The following MINDY4B variants were observed in gnomAD, a reference collection of about 807,000 sequenced individuals.
MINDY4B encodes the protein MINDY family member 4B.
A neutral mutation model predicts 16.7 loss-of-function variants in MINDY4B; 25 were observed. The ratio of observed to expected loss-of-function variants is 1.49; its 90% CI spans 1.09 to 2.09. The LOEUF (loss-of-function observed/expected upper bound fraction) is 2.09, where lower values mean the gene tolerates loss of function less well. Among genes scored for constraint, MINDY4B ranks in the 30% most tolerant of loss-of-function variants. The pLI, the probability that MINDY4B is intolerant of heterozygous loss-of-function variation, is 0.00. For missense variants in MINDY4B, 327 were observed against 168.4 expected (o/e 1.94, Z -5.21); for synonymous variants, 132 against 61.9 (o/e 2.13, Z -5.32).
At chr3:150,880,888 G>C (rs71306530) in intron 10 of MINDY4B, among the ~76,000 whole-genome samples, 2,611 of 152,234 alleles carry the variant, frequency 0.017, 35 homozygotes, top group African/African-American at 0.029. Flanking sequence ...TGAAAGAAAA[G>C]AAAAATATGT....
At chr3:150,902,700 G>A (rs188808421) in intron 3 of MINDY4B, among the ~76,000 whole-genome samples, 22 of 152,306 alleles carry the variant, frequency 1.4e-4, no homozygotes, top group East Asian at 3.9e-4. Flanking sequence ...AATGGTCCCC[G>A]GGACCAATAG....
chr3:150,905,257 T>C (rs1176175274), intron 1 of MINDY4B, 70 bp downstream of exon 1: 2 of 398,328 alleles, frequency 5.0e-6, no homozygotes, highest in Admixed American at 8.8e-5. Context: ...GTTGCAAGCT[T>C]ATAAGTTGAT....
In MINDY4B at chr3:150,870,447, C is replaced by T. The variant is rs1026450536; in HGVS notation, c.*598G>A. 2.0e-5 allele frequency among the ~76,000 whole-genome samples: 3 copies of T among 152,186 alleles called. No homozygotes were observed. The highest frequency in any genetic ancestry group is 6.5e-5 in the Admixed American group (1 of 15,282). On this transcript the variant is annotated 3_prime_UTR_variant, in exon 12 of 12. Transcript: ENST00000465419. ...TAATAAAAAGAATGTCTCCTTGTGG[C>T]TACTGAAACCCACATGTCAACTGCT...
chr3:150,874,226 G>A (rs999621386), intron 10 of MINDY4B, among the ~76,000 whole-genome samples: 2 of 152,022 alleles, frequency 1.3e-5, no homozygotes, highest in African/African-American at 2.4e-5. Flanking sequence ...ATGTGGCCCA[G>A]GCTGGTCTCA....
Position 150,874,449 on chromosome 3 carries a change from G to A in MINDY4B, c.1060-1082C>T, listed in dbSNP as rs185183315. 3.9e-3 allele frequency among the ~76,000 whole-genome samples: 589 copies of A among 152,294 alleles called. 8 individuals are homozygous for A. The highest frequency in any genetic ancestry group is 0.014 in the African/African-American group (577 of 41,548). On this transcript the variant is annotated intron_variant, in intron 10 of 11. Transcript: ENST00000465419. ...TGATAGCCATCAGTTTGTTTACACA[G>A]GCAGGGAAGCACATATTTTTAAAGG... is the stretch of plus-strand genomic sequence containing the variant.
Position 150,871,141 on chromosome 3 carries a change from A to G in MINDY4B, c.1287T>C (p.His429=). The G allele has an allele frequency of 1.4e-6, 1 of 702,788 alleles. No homozygotes were observed. Among genetic ancestry groups the G allele is most frequent in the Non-Finnish European group, 2.6e-6 (1 of 384,838 alleles). 43.5% of individuals were successfully genotyped at this position (702,788 alleles called of 1,614,324 possible). ...HWERDQQEEK[H]GPRRRFSPVE... ...CTGGTGAAAACCGTCGTCTTGGTCC[A>G]TGTTTCTCTTCCTGTTGGTCTCTTT... Residue 429 remains histidine (H), a synonymous_variant, in exon 12 of 12, where the codon CAT becomes CAC. Coordinates refer to ENST00000465419, the MANE Select transcript of MINDY4B (RefSeq NM_001351281.2).
intron 1 of MINDY4B, 104 bp from the exon 2 acceptor site, chr3:150,905,193 G>A (rs9289825): frequency 0.082 from 32,559 of 398,202 alleles, 2,014 homozygotes; most frequent in East Asian, 0.24. Flanking sequence ...CTCTGTCCAC[G>A]AATAGTTATG....
chr3:150,893,226 T>C, intron 5 of MINDY4B, 98 bp downstream of exon 5: 1 of 680,056 alleles, frequency 1.5e-6, no homozygotes, highest in East Asian at 2.7e-5. Flanking sequence ...GAGGTAGATT[T>C]CCTTTCTGAG....
At chr3:150,879,985 T>C (rs988846068) in intron 10 of MINDY4B, among the ~76,000 whole-genome samples, 3 of 152,378 alleles carry the variant, frequency 2.0e-5, no homozygotes, top group East Asian at 3.9e-4. Flanking sequence ...TAAAGCACTA[T>C]AACATTATGC....
At chr3:150,871,550 G>A (rs1428865978) in intron 11 of MINDY4B, among the ~76,000 whole-genome samples, 1 of 149,752 alleles carries the variant, frequency 6.7e-6, no homozygotes. Flanking sequence ...AATATTGTCA[G>A]GAAAAAAAAA....
intron 3 of MINDY4B, among the ~76,000 whole-genome samples, chr3:150,896,439 AG>A (rs903634053): frequency 3.3e-5 from 5 of 152,134 alleles, no homozygotes; most frequent in African/African-American, 4.8e-5. Context: ...TGGTGGGGGA[AG>A]GGGGGCATTA....
At chr3:150,877,297 A>C (rs1711498144) in intron 10 of MINDY4B, among the ~76,000 whole-genome samples, 1 of 152,120 alleles carries the variant, frequency 6.6e-6, no homozygotes, top group Non-Finnish European at 1.5e-5. Flanking sequence ...TAACCTTCAG[A>C]TTTGTTGCAC....
In MINDY4B at chr3:150,903,238, G is replaced by A; in HGVS notation, c.309+11C>T. 1 of 398,490 alleles carries A rather than the reference G, an allele frequency of 2.5e-6. No individual in the cohort carries two copies. Among genetic ancestry groups the A allele is most frequent in the Non-Finnish European group, 4.4e-6 (1 of 225,996 alleles). The allele number at this position is 398,490 out of a possible 1,614,324, so 24.7% of individuals were successfully genotyped here. A position where few individuals can be genotyped will look rare whatever the true frequency, so the allele number is the denominator to read the frequency against. ...GTTTCATTTCATGTTTAATTGACAA[G>A]CTATACTTACCGTGGCCATTGCTAG... On this transcript the variant is annotated intron_variant, in intron 3 of 11. Transcript: ENST00000465419.
chr3:150,893,697 G>GGGT (rs1711881662), intron 4 of MINDY4B, among the ~76,000 whole-genome samples: 1 of 47,098 alleles, frequency 2.1e-5, no homozygotes, highest in African/African-American at 5.1e-5. Context: ...GTTTTTTTTT[G>GGGT]GGGGGGGGGG....
intron 3 of MINDY4B, among the ~76,000 whole-genome samples, chr3:150,902,663 C>T (rs1468670034): frequency 6.6e-6 from 1 of 152,240 alleles, no homozygotes; most frequent in African/African-American, 2.4e-5. Flanking sequence ...CCCTTGCCCC[C>T]ACCCTGGTGA....
At position 150,881,012 on chromosome 3, in the gene MINDY4B, C is replaced by T. The variant is rs544161413; in HGVS notation, c.1059+1885G>A. On this transcript the variant is annotated intron_variant, in intron 10 of 11. Coordinates refer to ENST00000465419, the MANE Select transcript of MINDY4B (RefSeq NM_001351281.2). ...GAAAAAGTGATTAGGAGCTTTATAA[C>T]GATAAACAATTCTCTGTCCAGGCTG... is the stretch of plus-strand genomic sequence containing the variant. 3.9e-5 allele frequency among the ~76,000 whole-genome samples: 6 copies of T among 152,178 alleles called. 1 individual carries two copies. In the South Asian group the frequency reaches 6.2e-4, roughly 16 times the overall value.
intron 7 of MINDY4B, among the ~76,000 whole-genome samples, chr3:150,886,983 G>C (rs1460519144): frequency 6.6e-6 from 1 of 152,138 alleles, no homozygotes; most frequent in African/African-American, 2.4e-5. Flanking sequence ...ACCAAATCCT[G>C]TATATATGAT....
At chr3:150,887,174 C>T (rs34741729) in intron 7 of MINDY4B, among the ~76,000 whole-genome samples, 10,416 of 152,158 alleles carry the variant, frequency 0.068, 501 homozygotes, top group African/African-American at 0.13. Context: ...GTACCACAAC[C>T]TGACTGTCTG....
At chr3:150,888,423 T>C (rs929926388) in intron 7 of MINDY4B, among the ~76,000 whole-genome samples, 10 of 151,786 alleles carry the variant, frequency 6.6e-5, no homozygotes, top group Non-Finnish European at 1.3e-4. Context: ...CTTCAACATA[T>C]CATTTTGGAG....
Sources: allele counts gnomAD v4.1 joint callset (sites outside exome capture counted in the v4.1 genomes callset), GRCh38; gene constraint gnomAD v4.1.1; transcripts MANE v1.5; gene names NCBI Gene and HGNC (gene_info 2026-07-23, HGNC 2026-07-21).